Variants in LGSN observed in about 807,000 individuals in gnomAD.
LGSN encodes lengsin, lens protein with glutamine synthetase domain.
A neutral mutation model predicts 19.5 loss-of-function variants in LGSN; 21 were observed. The ratio of observed to expected loss-of-function variants is 1.07; its 90% confidence interval spans 0.76 to 1.55. The LOEUF (loss-of-function observed/expected upper bound fraction) is 1.55. Ranked by LOEUF, LGSN falls within the 40% of genes most tolerant of loss-of-function variation. The pLI is 0.00. For synonymous variants in LGSN, 257 were observed against 215.6 expected (o/e 1.19, Z -1.68); for missense variants, 673 against 608.5 (o/e 1.11, Z -1.12).
the LGSN span, among the ~76,000 whole-genome samples, chr6:63,372,802 A>G: frequency 6.6e-6 from 1 of 152,210 alleles, no homozygotes; most frequent in East Asian, 1.9e-4. Flanking sequence ...ACAAACCATG[A>G]CAAAAGGCTT....
the LGSN span, among the ~76,000 whole-genome samples, chr6:63,399,526 C>T: frequency 6.6e-6 from 1 of 151,470 alleles, no homozygotes; most frequent in Non-Finnish European, 1.5e-5. Context: ...TCCTGAGTAG[C>T]TGGGATTACA....
At chr6:63,359,352 T>C in the LGSN span, among the ~76,000 whole-genome samples, 1 of 152,208 alleles carries the variant, frequency 6.6e-6, no homozygotes, top group Admixed American at 6.5e-5. Flanking sequence ...CCTCATAAAA[T>C]GAGTTAGAGA....
chr6:63,569,321 T>G, the LGSN span, among the ~76,000 whole-genome samples: 1 of 152,232 alleles, frequency 6.6e-6, no homozygotes, highest in South Asian at 2.1e-4. Flanking sequence ...AGTGCCATGA[T>G]CTCGGCTCAC....
the LGSN span, among the ~76,000 whole-genome samples, chr6:63,544,565 C>G: frequency 6.6e-6 from 1 of 152,002 alleles, no homozygotes; most frequent in Admixed American, 6.6e-5. Flanking sequence ...AAATAAAAAC[C>G]TGGGTCACAG....
chr6:63,554,553 T>C, the LGSN span, among the ~76,000 whole-genome samples: 2 of 152,152 alleles, frequency 1.3e-5, no homozygotes, highest in Non-Finnish European at 2.9e-5. Context: ...ATCCCAGCAC[T>C]TTGGGAGGCC....
At chr6:63,381,346 T>C in the LGSN span, among the ~76,000 whole-genome samples, 1 of 152,184 alleles carries the variant, frequency 6.6e-6, no homozygotes, top group Non-Finnish European at 1.5e-5. Context: ...AGGAAGAAAG[T>C]AGTTGGTTGA....
the LGSN span, among the ~76,000 whole-genome samples, chr6:63,362,712 G>T: frequency 6.6e-6 from 1 of 152,216 alleles, no homozygotes; most frequent in Non-Finnish European, 1.5e-5. Flanking sequence ...GTCGAACTGG[G>T]TGGAGCCCAC....
chr6:63,412,533 A>G, the LGSN span, among the ~76,000 whole-genome samples: 1,418 of 84,578 alleles, frequency 0.017, 17 homozygotes, highest in African/African-American at 0.034. Flanking sequence ...AAAGAAGGAA[A>G]GAAAGAAAGA....
At chr6:63,524,715 T>G in the LGSN span, among the ~76,000 whole-genome samples, 1 of 152,202 alleles carries the variant, frequency 6.6e-6, no homozygotes, top group African/African-American at 2.4e-5. Flanking sequence ...TTCTTTTGAC[T>G]GACAAGAAAA....
At chr6:63,332,517 A>G in the LGSN span, among the ~76,000 whole-genome samples, 1 of 152,150 alleles carries the variant, frequency 6.6e-6, no homozygotes, top group Non-Finnish European at 1.5e-5. Flanking sequence ...TCAGCCCAGA[A>G]GTAAAGGAAA....
At chr6:63,457,270 C>T in the LGSN span, among the ~76,000 whole-genome samples, 208 of 152,140 alleles carry the variant, frequency 1.4e-3, no homozygotes, top group African/African-American at 4.9e-3. Context: ...TTTGGGAGTC[C>T]GAGGCGGGTG....
chr6:63,499,716 C>A, the LGSN span, among the ~76,000 whole-genome samples: 1 of 152,012 alleles, frequency 6.6e-6, no homozygotes, highest in East Asian at 1.9e-4. Context: ...TCGTTAAAAG[C>A]CTTCTGCTGT....
intron 3 of LGSN, among the ~76,000 whole-genome samples, chr6:63,283,945 C>T (rs1767425390): frequency 6.6e-6 from 1 of 152,106 alleles, no homozygotes; most frequent in African/African-American, 2.4e-5. Context: ...GGTGATCCGT[C>T]GGCCTCAGCG....
chr6:63,358,140 T>G, the LGSN span, among the ~76,000 whole-genome samples: 5 of 152,246 alleles, frequency 3.3e-5, no homozygotes, highest in Admixed American at 3.3e-4. Context: ...ATCAGATAGT[T>G]GTAGATATGT....
At chr6:63,429,226 C>CT in the LGSN span, among the ~76,000 whole-genome samples, 2 of 152,064 alleles carry the variant, frequency 1.3e-5, no homozygotes, top group Non-Finnish European at 2.9e-5. Context: ...GTAAGTCTCA[C>CT]TTTTTTAAAT....
At chr6:63,572,050 A>G in the LGSN span, 2 of 152,300 alleles carry the variant, frequency 1.3e-5, no homozygotes, top group East Asian at 3.8e-4. Context: ...AGCAGGCTCG[A>G]CACTGAGACG....
the LGSN span, among the ~76,000 whole-genome samples, chr6:63,496,875 T>C: frequency 1.3e-5 from 2 of 152,128 alleles, no homozygotes; most frequent in Non-Finnish European, 2.9e-5. Flanking sequence ...CAAAAGCTCA[T>C]GCAGTTTTGT....
At chr6:63,435,006 G>A in the LGSN span, among the ~76,000 whole-genome samples, 2 of 152,164 alleles carry the variant, frequency 1.3e-5, no homozygotes, top group Non-Finnish European at 2.9e-5. Context: ...CATGTATTCA[G>A]GAGCAATATG....
chr6:63,370,714 T>C, the LGSN span, among the ~76,000 whole-genome samples: 1 of 152,220 alleles, frequency 6.6e-6, no homozygotes, highest in East Asian at 1.9e-4. Flanking sequence ...GGGCCAGATG[T>C]AAGCATTCTG....
Sources: gnomAD v4.1 joint callset for allele counts (sites outside exome capture counted in the v4.1 genomes callset) on GRCh38, gnomAD v4.1.1 for gene constraint, MANE v1.5 for transcripts, NCBI Gene and HGNC (gene_info 2026-07-23, HGNC 2026-07-21) for gene names.